The following CMBL variants were observed in gnomAD, a reference collection of about 807,000 sequenced individuals.
CMBL encodes the protein carboxymethylenebutenolidase homolog.
A neutral mutation model predicts 28.7 loss-of-function variants in CMBL; 17 were observed. The ratio of observed to expected loss-of-function variants is 0.59; its 90% CI spans 0.41 to 0.89. CMBL has a LOEUF of 0.89. Among genes scored for constraint, CMBL ranks in the 40% least tolerant of loss-of-function variants. The probability of loss-of-function intolerance (pLI) is 0.00; values close to 1 mark genes in which losing one functional copy is unlikely to be tolerated. For missense variants in CMBL, 310 were observed against 298.5 expected (o/e 1.04, Z -0.28); for synonymous variants, 106 against 101.6 (o/e 1.04, Z -0.26).
intron 1 of CMBL, among the ~76,000 whole-genome samples, chr5:10,294,016 A>AG (rs1189375636): frequency 2.0e-5 from 3 of 152,188 alleles, no homozygotes; most frequent in Non-Finnish European, 4.4e-5. Context: ...AAAGGAGGCG[A>AG]GGGGTGGTGC....
At chr5:10,296,725 C>T (rs1030349201) in intron 1 of CMBL, among the ~76,000 whole-genome samples, 1 of 152,080 alleles carries the variant, frequency 6.6e-6, no homozygotes, top group Non-Finnish European at 1.5e-5. Context: ...AGGAAGACCC[C>T]AAGTGTGGTG....
At position 10,280,578 on chromosome 5, in the gene CMBL, T is replaced by C. The variant is rs751816240; in HGVS notation, c.613A>G (p.Lys205Glu). Reference protein sequence around the residue: ...KEHCKVEYQIKTFSGQTHGFV... With the variant: ...KEHCKVEYQIETFSGQTHGFV... Reference sequence around the variant, plus strand: ...CCATGAGTCTGCCCAGAAAATGTTTTAATTTGATATTCAACTTTGCAGTGT... The same window carrying C: ...CCATGAGTCTGCCCAGAAAATGTTTCAATTTGATATTCAACTTTGCAGTGT... Residue 205 changes from lysine to glutamate, a missense_variant, in exon 6 of 6, where the codon AAA (lysine) becomes GAA (glutamate). Transcript: ENST00000296658. The C allele has an allele frequency of 1.2e-6, 2 of 1,613,684 alleles. No individual in the cohort carries two copies. The highest frequency in any genetic ancestry group is 1.7e-6 in the Non-Finnish European group (2 of 1,179,608).
chr5:10,287,979 C>T (rs2126546093), intron 3 of CMBL, among the ~76,000 whole-genome samples: 1 of 151,558 alleles, frequency 6.6e-6, no homozygotes, highest in East Asian at 2.0e-4. Flanking sequence ...GATCAGCCAG[C>T]CTCAGCCTGC....
intron 5 of CMBL, among the ~76,000 whole-genome samples, chr5:10,281,346 T>G (rs758386366): frequency 6.6e-6 from 1 of 152,178 alleles, no homozygotes; most frequent in Non-Finnish European, 1.5e-5. Context: ...GGCTCCCAAA[T>G]AGCTGGGACT....
At chr5:10,306,672 G>T (rs758890966) in intron 1 of CMBL, among the ~76,000 whole-genome samples, 12 of 152,176 alleles carry the variant, frequency 7.9e-5, no homozygotes, top group Non-Finnish European at 1.6e-4. Flanking sequence ...AGGGAAGGCA[G>T]GGCCAGTACT....
intron 1 of CMBL, among the ~76,000 whole-genome samples, chr5:10,301,257 A>G (rs2126562785): frequency 6.6e-6 from 1 of 152,350 alleles, no homozygotes; most frequent in African/African-American, 2.4e-5. Flanking sequence ...GTGTTTCATA[A>G]TTAGAAATAA....
intron 1 of CMBL, among the ~76,000 whole-genome samples, chr5:10,306,066 T>C (rs561173715): frequency 6.6e-6 from 1 of 152,312 alleles, no homozygotes; most frequent in East Asian, 1.9e-4. Context: ...AAAGTCACGA[T>C]TTCACCTTTG....
intron 1 of CMBL, among the ~76,000 whole-genome samples, chr5:10,295,328 G>A (rs1247121862): frequency 7.9e-5 from 12 of 152,064 alleles, no homozygotes; most frequent in African/African-American, 2.9e-4. Context: ...GGGTGATCCC[G>A]CCCACCTTGG....
chr5:10,300,643 AT>A (rs1047752903), intron 1 of CMBL, among the ~76,000 whole-genome samples: 17 of 151,780 alleles, frequency 1.1e-4, no homozygotes, highest in African/African-American at 3.9e-4. Flanking sequence ...CTACAAAAAA[AT>A]TTTTTTAATT....
chr5:10,283,548 C>G (rs780623518), intron 4 of CMBL, among the ~76,000 whole-genome samples: 1 of 152,076 alleles, frequency 6.6e-6, no homozygotes, highest in African/African-American at 2.4e-5. Context: ...GAGGCCAAGG[C>G]GGGGTGGATC....
At chr5:10,292,372 T>C (rs1746738243) in intron 1 of CMBL, among the ~76,000 whole-genome samples, 1 of 152,008 alleles carries the variant, frequency 6.6e-6, no homozygotes, top group Admixed American at 6.6e-5. Flanking sequence ...AATCAGCTCC[T>C]TTTTTTAGAA....
chr5:10,293,227 G>A (rs1746756452), intron 1 of CMBL, among the ~76,000 whole-genome samples: 5 of 152,218 alleles, frequency 3.3e-5, no homozygotes, highest in Non-Finnish European at 5.9e-5. Flanking sequence ...TGAAGCCTTA[G>A]TCCATTCAGG....
chr5:10,293,405 G>A (rs972107127), intron 1 of CMBL, among the ~76,000 whole-genome samples: 3 of 152,178 alleles, frequency 2.0e-5, no homozygotes, highest in African/African-American at 7.2e-5. Flanking sequence ...TCCTCACGGG[G>A]TAGAAGGAAC....
rs1746465254 is a variant in CMBL at position 10,279,760 on chromosome 5, GA to G, written c.*692del. On this transcript the variant is annotated 3_prime_UTR_variant, in exon 6 of 6. Transcript: ENST00000296658. ...TCACCATGTTGGCCAGGCTGGTCTT[GA>G]ACTCCTGACCTCAAGTGATCCACCC... 1 of 150,216 alleles carries G rather than the reference GA, an allele frequency of 6.7e-6. No homozygotes were observed. The highest frequency in any genetic ancestry group is 2.5e-5 in the African/African-American group (1 of 40,796). The allele number at this position is 150,216 out of a possible 1,614,324, so 9.3% of individuals were successfully genotyped here.
At chr5:10,303,385 C>T (rs1339772307) in intron 1 of CMBL, among the ~76,000 whole-genome samples, 1 of 152,200 alleles carries the variant, frequency 6.6e-6, no homozygotes, top group Non-Finnish European at 1.5e-5. Context: ...TAAACCTCTT[C>T]AAACATTTTA....
In CMBL at chr5:10,282,324, CCA is replaced by C. The variant is rs1345062363; in HGVS notation, c.467-38_467-37del. The C allele has an allele frequency of 2.5e-6, 3 of 1,221,276 alleles. No individual in the cohort carries two copies. The African/African-American group carries it at 4.4e-5, about 18-fold the overall frequency. 75.7% of individuals were successfully genotyped at this position (1,221,276 alleles called of 1,614,324 possible). A position where few individuals can be genotyped will look rare whatever the true frequency, so the allele number is the denominator to read the frequency against. On this transcript the variant is annotated intron_variant, in intron 4 of 5. Transcript: ENST00000296658. ...AGCACAGAGGCATGATGTCTGATCCCCACACTCATGCCACATGATCCCCACAC... is the reference window on the plus strand; with the variant it reads ...AGCACAGAGGCATGATGTCTGATCCCCACTCATGCCACATGATCCCCACAC...
At chr5:10,286,517 A>G in intron 3 of CMBL, 21 bp from the exon 4 acceptor site, 1 of 1,607,432 alleles carries the variant, frequency 6.2e-7, no homozygotes, top group Non-Finnish European at 8.5e-7. Context: ...AAGAAAAAAT[A>G]TTCAAGAATC....
intron 1 of CMBL, among the ~76,000 whole-genome samples, chr5:10,305,839 G>A (rs1484735554): frequency 6.6e-6 from 1 of 152,090 alleles, no homozygotes; most frequent in African/African-American, 2.4e-5. Context: ...AAAGTGCTAG[G>A]ATTACAGGCA....
At chr5:10,292,984 G>C (rs1012149520) in intron 1 of CMBL, among the ~76,000 whole-genome samples, 2 of 152,110 alleles carry the variant, frequency 1.3e-5, no homozygotes, top group African/African-American at 2.4e-5. Context: ...CAAAGTTTCA[G>C]TAAAGATTTT....
Sources: allele counts gnomAD v4.1 joint callset (sites outside exome capture counted in the v4.1 genomes callset), GRCh38; gene constraint gnomAD v4.1.1; transcripts MANE v1.5; gene names NCBI Gene and HGNC (gene_info 2026-07-23, HGNC 2026-07-21).